Variants in C18orf54 observed in about 807,000 individuals in gnomAD.
C18orf54 encodes chromosome 18 open reading frame 54.
A neutral mutation model predicts 49.3 loss-of-function variants in C18orf54; 49 were observed. That is an observed-to-expected ratio of 0.99 (90% CI 0.79 to 1.26). The LOEUF (loss-of-function observed/expected upper bound fraction) is 1.26, where lower values mean the gene tolerates loss of function less well. Among genes scored for constraint, C18orf54 ranks in the 50% most tolerant of loss-of-function variants. C18orf54 has a pLI of 0.00. For synonymous variants in C18orf54, 211 were observed against 216.6 expected (o/e 0.97, Z 0.23); for missense variants, 687 against 620.6 (o/e 1.11, Z -1.14).
intron 4 of C18orf54, 75 bp downstream of exon 4, chr18:54,362,506 G>T: frequency 8.0e-7 from 1 of 1,250,012 alleles, no homozygotes; most frequent in Non-Finnish European, 1.1e-6. Flanking sequence ...TAAAGTTGAT[G>T]TGATATCTGG....
chr18:54,368,799 C>T (rs4940324), intron 6 of C18orf54, among the ~76,000 whole-genome samples: 2 of 151,932 alleles, frequency 1.3e-5, no homozygotes, highest in African/African-American at 4.8e-5. Context: ...TATTTATTAA[C>T]TGAAAACCTT....
At position 54,378,721 on chromosome 18, in the gene C18orf54, A is replaced by G. The variant is rs2067537876; in HGVS notation, c.*475A>G. ...AGGAATATCAAAATTGTTATTGTGT[A>G]TCTCATCTATAAGGAAGTCTGTTAC... is the stretch of plus-strand genomic sequence containing the variant. On this transcript the variant is annotated 3_prime_UTR_variant, in exon 9 of 9. Coordinates refer to ENST00000620105, the MANE Select transcript of C18orf54 (RefSeq NM_001288980.2). 1 of 152,324 alleles carries G rather than the reference A, an allele frequency of 6.6e-6. No individual in the cohort carries two copies. The highest frequency in any genetic ancestry group is 2.1e-4 in the South Asian group (1 of 4,832). 9.4% of individuals were successfully genotyped at this position (152,324 alleles called of 1,614,324 possible).
At chr18:54,371,518 T>G (rs2089486214) in intron 6 of C18orf54, among the ~76,000 whole-genome samples, 1 of 152,126 alleles carries the variant, frequency 6.6e-6, no homozygotes, top group Non-Finnish European at 1.5e-5. Context: ...AGAGGGAAAT[T>G]GCAGGATCAT....
chr18:54,359,673 T>G (rs2089222140), intron 2 of C18orf54, among the ~76,000 whole-genome samples: 1 of 152,246 alleles, frequency 6.6e-6, no homozygotes, highest in South Asian at 2.1e-4. Flanking sequence ...TCCATTCATT[T>G]AATTTTAAAA....
At chr18:54,375,384 CTG>C (rs2144753818) in intron 8 of C18orf54, among the ~76,000 whole-genome samples, 1 of 150,678 alleles carries the variant, frequency 6.6e-6, no homozygotes, top group African/African-American at 2.4e-5. Context: ...ATTTGAAAGT[CTG>C]TATTTTTAAC....
intron 6 of C18orf54, among the ~76,000 whole-genome samples, chr18:54,366,416 C>G (rs2089385989): frequency 6.6e-6 from 1 of 151,994 alleles, no homozygotes; most frequent in African/African-American, 2.4e-5. Flanking sequence ...TTTTACCTAA[C>G]ATAATGTCTT....
Position 54,379,289 on chromosome 18 carries a change from A to G in C18orf54, c.*1043A>G, listed in dbSNP as rs935071828. ...TAAAACATAACTAATACAGCACATT[A>G]CTGCCTGACAAAATTAAAGAGTACT... On this transcript the variant is annotated 3_prime_UTR_variant, in exon 9 of 9. Transcript: ENST00000620105. The G allele has an allele frequency of 2.0e-5, 3 of 152,086 alleles. No homozygotes were observed. Among genetic ancestry groups the G allele is most frequent in the Admixed American group, 1.3e-4 (2 of 15,278 alleles). 9.4% of individuals were successfully genotyped at this position (152,086 alleles called of 1,614,324 possible). A position where few individuals can be genotyped will look rare whatever the true frequency, so the allele number is the denominator to read the frequency against.
chr18:54,377,531 C>T (rs1006841252), intron 8 of C18orf54, among the ~76,000 whole-genome samples: 1 of 152,072 alleles, frequency 6.6e-6, no homozygotes, highest in African/African-American at 2.4e-5. Flanking sequence ...AAGTTAAGGG[C>T]CTCTTTTCCT....
rs996724197 is a variant in C18orf54 at position 54,381,427 on chromosome 18, A to G, written c.*3181A>G. On this transcript the variant is annotated 3_prime_UTR_variant, in exon 9 of 9. Coordinates refer to ENST00000620105, the MANE Select transcript of C18orf54 (RefSeq NM_001288980.2). ...CATTCATTTTCAAATAGCTATTTCA[A>G]CCTTTAACATCTACTGTCTTAGTCT... The G allele has an allele frequency of 2.0e-5, 3 of 152,304 alleles. No individual in the cohort carries two copies. Among genetic ancestry groups the G allele is most frequent in the African/African-American group, 4.8e-5 (2 of 41,570 alleles). The allele number at this position is 152,304 out of a possible 1,614,324, so 9.4% of individuals were successfully genotyped here.
chr18:54,375,719 T>A (rs4940328), intron 8 of C18orf54, among the ~76,000 whole-genome samples: 112,930 of 151,716 alleles, frequency 0.74, 42,454 homozygotes, highest in African/African-American at 0.86. Flanking sequence ...TTTTCTACTA[T>A]AAGCAATCAA....
chr18:54,360,281 A>G (rs1267565788), intron 2 of C18orf54, among the ~76,000 whole-genome samples: 4 of 152,194 alleles, frequency 2.6e-5, no homozygotes, highest in African/African-American at 9.6e-5. Context: ...GTATATTCTC[A>G]GATAATTTTT....
At chr18:54,372,412 T>A in intron 6 of C18orf54, 54 bp from the exon 7 acceptor site, 1 of 1,383,948 alleles carries the variant, frequency 7.2e-7, no homozygotes, top group Non-Finnish European at 9.5e-7. Flanking sequence ...ATAAAACTCT[T>A]CTTTCCCTGA....
intron 4 of C18orf54, 77 bp from the exon 5 acceptor site, chr18:54,362,692 CTT>C: frequency 1.6e-6 from 2 of 1,275,164 alleles, no homozygotes; most frequent in Non-Finnish European, 2.2e-6. Context: ...GATCAGAACT[CTT>C]GTTGACTTTG....
At chr18:54,370,728 G>T (rs2089471197) in intron 6 of C18orf54, among the ~76,000 whole-genome samples, 1 of 152,232 alleles carries the variant, frequency 6.6e-6, no homozygotes, top group African/African-American at 2.4e-5. Flanking sequence ...CTAGTTTTCT[G>T]TCTTCTTTTG....
At chr18:54,361,452 C>T (rs147300266) in intron 3 of C18orf54, among the ~76,000 whole-genome samples, 191 bp from the exon 4 acceptor site, 1 of 152,248 alleles carries the variant, frequency 6.6e-6, no homozygotes, top group East Asian at 1.9e-4. Flanking sequence ...GAAATTAACA[C>T]AGAACGAAGA....
intron 6 of C18orf54, among the ~76,000 whole-genome samples, chr18:54,371,063 T>G (rs2089478675): frequency 6.6e-6 from 1 of 152,080 alleles, no homozygotes; most frequent in African/African-American, 2.4e-5. Context: ...TACCTTCACA[T>G]TGTGTGTAGC....
Position 54,362,902 on chromosome 18 carries a change from G to GA in C18orf54, c.1208dup (p.Asn403LysfsTer13). On this transcript the variant is annotated frameshift_variant, in exon 5 of 9. Transcript: ENST00000620105. LOFTEE classifies it high-confidence loss of function. ...TAAACTTGAAGCAGACAGATCATGGGAAAATATTCCTGTTACTTTGTAAGT... is the reference window on the plus strand; with the variant it reads ...TAAACTTGAAGCAGACAGATCATGGGAAAAATATTCCTGTTACTTTGTAAGT... 1 of 1,597,462 alleles carries GA rather than the reference G, an allele frequency of 6.3e-7. No homozygotes were observed. Among genetic ancestry groups the GA allele is most frequent in the Non-Finnish European group, 8.5e-7 (1 of 1,176,346 alleles).
At chr18:54,368,859 A>G (rs1262009765) in intron 6 of C18orf54, among the ~76,000 whole-genome samples, 1 of 152,208 alleles carries the variant, frequency 6.6e-6, no homozygotes, top group Non-Finnish European at 1.5e-5. Context: ...ATATTAGTAC[A>G]GATTCACTAA....
intron 3 of C18orf54, 131 bp downstream of exon 3, chr18:54,360,986 G>A: frequency 2.3e-6 from 2 of 861,676 alleles, no homozygotes; most frequent in Admixed American, 2.7e-5. Flanking sequence ...TGAGATCTGG[G>A]TGTTTTTGTA....
Sources: gnomAD v4.1 joint callset for allele counts (sites outside exome capture counted in the v4.1 genomes callset) on GRCh38, gnomAD v4.1.1 for gene constraint, MANE v1.5 for transcripts, NCBI Gene and HGNC (gene_info 2026-07-23, HGNC 2026-07-21) for gene names.